Variants in TBC1D5 observed in about 807,000 individuals in gnomAD.
The protein encoded by TBC1D5 is TBC1 domain family, member 5.
TBC1D5 carries 75 observed loss-of-function variants against 100.3 expected under a neutral mutation model. The ratio of observed to expected loss-of-function variants is 0.75; its 90% CI spans 0.62 to 0.91. TBC1D5 has a LOEUF of 0.91. Among genes scored for constraint, TBC1D5 ranks in the 40% least tolerant of loss-of-function variants. TBC1D5 has a pLI of 0.00. For synonymous variants in TBC1D5, 323 were observed against 325.6 expected (o/e 0.99, Z 0.09); for missense variants, 910 against 942.4 (o/e 0.97, Z 0.45).
At chr3:17,224,866 C>A (rs1486594619) in intron 17 of TBC1D5, among the ~76,000 whole-genome samples, 1 of 152,132 alleles carries the variant, frequency 6.6e-6, no homozygotes, top group Non-Finnish European at 1.5e-5. Context: ...AAGATCAGCT[C>A]TTATCAAAAC....
chr3:17,406,271 A>G (rs2093767117), intron 5 of TBC1D5, 147 bp downstream of exon 5: 4 of 647,404 alleles, frequency 6.2e-6, no homozygotes, highest in East Asian at 2.9e-5. Flanking sequence ...TAAATGTCCT[A>G]TGAAAGATAA....
chr3:17,508,351 A>T (rs561592137), intron 3 of TBC1D5, 123 bp downstream of exon 3: 5 of 711,332 alleles, frequency 7.0e-6, no homozygotes, highest in East Asian at 5.2e-5. Context: ...AACATACTTA[A>T]CACTGGCCTG....
intron 2 of TBC1D5, among the ~76,000 whole-genome samples, chr3:17,523,607 T>C (rs553631617): frequency 6.6e-6 from 1 of 152,096 alleles, no homozygotes; most frequent in South Asian, 2.1e-4. Flanking sequence ...AAATAGTAAA[T>C]ACCTACGTTT....
At chr3:17,704,760 C>G (rs2073780202) in intron 1 of TBC1D5, among the ~76,000 whole-genome samples, 1 of 62,242 alleles carries the variant, frequency 1.6e-5, no homozygotes, top group Non-Finnish European at 3.3e-5. Context: ...TCCTCACTTC[C>G]CAGTAGGGGC....
At chr3:17,486,971 A>G (rs2095576800) in intron 3 of TBC1D5, among the ~76,000 whole-genome samples, 1 of 152,234 alleles carries the variant, frequency 6.6e-6, no homozygotes, top group Admixed American at 6.5e-5. Context: ...AGAAAACGGC[A>G]TATCCTAGTA....
chr3:17,679,079 GAAA>G (rs34135899), intron 1 of TBC1D5, among the ~76,000 whole-genome samples: 1 of 142,032 alleles, frequency 7.0e-6, no homozygotes, highest in African/African-American at 2.7e-5. Context: ...AAAAGTTACA[GAAA>G]AAAAAAAAAA....
intron 13 of TBC1D5, among the ~76,000 whole-genome samples, chr3:17,346,129 A>G (rs73145851): frequency 0.01 from 1,556 of 152,144 alleles, 32 homozygotes; most frequent in African/African-American, 0.035. Flanking sequence ...TAAAGCAAAA[A>G]CTCTGTAGAT....
At chr3:17,239,407 A>T (rs905886826) in intron 16 of TBC1D5, among the ~76,000 whole-genome samples, 1 of 152,134 alleles carries the variant, frequency 6.6e-6, no homozygotes, top group Admixed American at 6.6e-5. Flanking sequence ...CATGGTGAGT[A>T]TATGTATATG....
rs547394191 is a variant in TBC1D5, at chr3:17,518,220, C to A, written c.-35-9615G>T. ...ACCTTCAAGCCGAAATGCCTGAAAC[C>A]CACAGCCCAAAGTTAGAACTTCTAT... On this transcript the variant is annotated intron_variant, in intron 2 of 21. Coordinates refer to ENST00000253692, the Ensembl canonical transcript of TBC1D5. 3.9e-5 allele frequency among the ~76,000 whole-genome samples: 6 copies of A among 152,208 alleles called. No homozygotes were observed. In the East Asian group the frequency reaches 7.7e-4, roughly 20 times the overall value.
At chr3:17,733,784 C>T (rs1371840524) in intron 1 of TBC1D5, among the ~76,000 whole-genome samples, 1 of 152,002 alleles carries the variant, frequency 6.6e-6, no homozygotes, top group East Asian at 1.9e-4. Context: ...AAAAAAATGG[C>T]TGGCTCCAGA....
chr3:17,468,068 T>G (rs1404351792), intron 3 of TBC1D5, among the ~76,000 whole-genome samples: 1 of 152,190 alleles, frequency 6.6e-6, no homozygotes. Flanking sequence ...AGTGTCAAAA[T>G]GTAAAAGGTT....
At chr3:17,636,605 C>T (rs750925064) in intron 1 of TBC1D5, among the ~76,000 whole-genome samples, 25 of 151,980 alleles carry the variant, frequency 1.6e-4, no homozygotes, top group Non-Finnish European at 3.5e-4. Context: ...TCCTGGCTAA[C>T]ACGGTGAAAC....
At chr3:17,289,045 G>A (rs1041232199) in intron 15 of TBC1D5, among the ~76,000 whole-genome samples, 2 of 152,184 alleles carry the variant, frequency 1.3e-5, no homozygotes, top group Non-Finnish European at 2.9e-5. Flanking sequence ...GGGGCTTCGG[G>A]GTTGTGGGCA....
intron 17 of TBC1D5, chr3:17,233,703 T>A: frequency 6.5e-7 from 1 of 1,543,306 alleles, no homozygotes; most frequent in Non-Finnish European, 8.8e-7. Context: ...TCAGTTAGAG[T>A]CTGGACAGGA....
chr3:17,310,857 A>C (rs1256118117), intron 13 of TBC1D5, among the ~76,000 whole-genome samples: 1 of 151,996 alleles, frequency 6.6e-6, no homozygotes, highest in Admixed American at 6.6e-5. Flanking sequence ...AAATTCTCAA[A>C]ATATTTAAGA....
At chr3:17,553,018 T>C (rs2096486801) in intron 2 of TBC1D5, among the ~76,000 whole-genome samples, 1 of 152,142 alleles carries the variant, frequency 6.6e-6, no homozygotes, top group African/African-American at 2.4e-5. Context: ...TATACTGTTA[T>C]TATACAAACT....
intron 1 of TBC1D5, among the ~76,000 whole-genome samples, chr3:17,681,946 C>A (rs1371639986): frequency 6.6e-6 from 1 of 151,502 alleles, no homozygotes; most frequent in Non-Finnish European, 1.5e-5. Context: ...CCGTGAACTG[C>A]GCATGCAAGG....
At chr3:17,480,132 T>C (rs1340952942) in intron 3 of TBC1D5, among the ~76,000 whole-genome samples, 2 of 152,216 alleles carry the variant, frequency 1.3e-5, no homozygotes, top group East Asian at 3.8e-4. Flanking sequence ...AGGGCGGCAC[T>C]GTCATGCCGG....
intron 1 of TBC1D5, among the ~76,000 whole-genome samples, chr3:17,625,720 T>A (rs1223664639): frequency 6.6e-6 from 1 of 152,072 alleles, no homozygotes; most frequent in African/African-American, 2.4e-5. Context: ...CCTCAAAAAA[T>A]CATGCCTATG....
Sources: gnomAD v4.1 joint callset for allele counts (sites outside exome capture counted in the v4.1 genomes callset) on GRCh38, gnomAD v4.1.1 for gene constraint, MANE v1.5 for transcripts, NCBI Gene and HGNC (gene_info 2026-07-23, HGNC 2026-07-21) for gene names.